FGF1: variants seen among roughly 807,000 people sequenced by gnomAD.
FGF1 encodes the protein beta-endothelial cell growth factor.
A neutral mutation model predicts 13.4 loss-of-function variants in FGF1; 9 were observed. The ratio of observed to expected loss-of-function variants is 0.67; its 90% CI spans 0.40 to 1.17. The LOEUF is 1.17. Among genes scored for constraint, FGF1 ranks in the 50% most tolerant of loss-of-function variants. The probability of loss-of-function intolerance (pLI) is 0.01; values close to 1 mark genes in which losing one functional copy is unlikely to be tolerated. For synonymous variants in FGF1, 93 were observed against 79.0 expected, an observed-to-expected ratio of 1.18 and a Z score of -0.94; for missense variants, 156 against 192.7, an observed-to-expected ratio of 0.81 and a Z score of 1.13.
At chr5:142,608,583 T>C (rs202246396) in intron 2 of FGF1, among the ~76,000 whole-genome samples, 3,868 of 59,406 alleles carry the variant, frequency 0.065, 127 homozygotes, top group East Asian at 0.18. Context: ...TATATATATA[T>C]ACACACACAC....
At chr5:142,645,943 T>C (rs1378370230) in intron 1 of FGF1, among the ~76,000 whole-genome samples, 2 of 152,162 alleles carry the variant, frequency 1.3e-5, no homozygotes, top group Non-Finnish European at 2.9e-5. Flanking sequence ...GAGTCTTGCT[T>C]TGTCGCCTAG....
At chr5:142,599,019 G>A (rs917831142) in intron 3 of FGF1, among the ~76,000 whole-genome samples, 9 of 152,176 alleles carry the variant, frequency 5.9e-5, no homozygotes, top group East Asian at 1.9e-4. Context: ...GGTCTGTGAC[G>A]TGCCAGCCAC....
intron 1 of FGF1, among the ~76,000 whole-genome samples, chr5:142,640,372 G>C (rs964679349): frequency 7.1e-6 from 1 of 140,382 alleles, no homozygotes; most frequent in African/African-American, 2.6e-5. Flanking sequence ...TCTCCTGGTA[G>C]AAAGGAGCCC....
chr5:142,628,717 C>A (rs538727570), intron 1 of FGF1, among the ~76,000 whole-genome samples: 134 of 152,262 alleles, frequency 8.8e-4, no homozygotes, highest in African/African-American at 3.1e-3. Context: ...TGTCCACTGC[C>A]CCCTGTCATG....
chr5:142,607,111 A>T, intron 2 of FGF1, among the ~76,000 whole-genome samples: 1 of 152,080 alleles, frequency 6.6e-6, no homozygotes, highest in East Asian at 1.9e-4. Context: ...GTGACCCCTG[A>T]GATGTTTTAT....
Position 142,610,133 on chromosome 5 carries a change from C to G in FGF1, c.169+3826G>C, listed in dbSNP as rs942892879. On this transcript the variant is annotated intron_variant, in intron 2 of 3. Transcript: ENST00000337706. ...TTCTTAGAGTGATAATAATTAGTAA[C>G]TTCTCAAGGTTGTGGTTAGGTAGAA... Among the ~76,000 whole-genome samples the G allele has an allele frequency of 3.3e-5, 5 of 152,206 alleles. No homozygotes were observed. In the East Asian group the frequency reaches 9.6e-4, roughly 29 times the overall value.
chr5:142,665,365 A>G lies in FGF1; in HGVS notation c.-35+20592T>C, dbSNP rs141744724. On this transcript the variant is annotated intron_variant, in intron 1 of 3. Coordinates refer to ENST00000337706, the MANE Select transcript of FGF1 (RefSeq NM_000800.5). ...CTCCCCCTGTCCCACTCCCCTCCTC[A>G]GGACTTTGGCCCCTTCTGGAAACAT... Among the ~76,000 whole-genome samples the G allele has an allele frequency of 6.3e-3, 930 of 147,106 alleles. 9 individuals are homozygous for G. Among genetic ancestry groups the G allele is most frequent in the African/African-American group, 0.022 (886 of 39,400 alleles).
At chr5:142,620,291 G>A (rs539175780) in intron 1 of FGF1, among the ~76,000 whole-genome samples, 26 of 152,202 alleles carry the variant, frequency 1.7e-4, no homozygotes, top group South Asian at 6.2e-4. Flanking sequence ...GGTGGTGGGC[G>A]CCTGTAGTCC....
rs185839678 is a variant in FGF1 at position 142,695,300 on chromosome 5, C to T, written c.-35+2322G>A. 3.0e-4 allele frequency among the ~76,000 whole-genome samples: 45 copies of T among 152,226 alleles called. No homozygotes were observed. The East Asian group carries it at 6.8e-3, about 23-fold the overall frequency. ...CAGAATTAAAGACCTCAAGGCTGGG[C>T]GCAGTGGCTTATGCCTGTAATCCCA... On this transcript the variant is annotated intron_variant, in intron 2 of 4. Coordinates refer to the FGF1 transcript ENST00000407758.
rs1310592697 is a variant in FGF1 at position 142,660,521 on chromosome 5, G to C, written c.-35+25436C>G. 2.0e-5 allele frequency among the ~76,000 whole-genome samples: 3 copies of C among 152,190 alleles called. No homozygotes were observed. The East Asian group carries it at 5.8e-4, about 29-fold the overall frequency. On this transcript the variant is annotated intron_variant, in intron 1 of 3. Coordinates refer to ENST00000337706, the MANE Select transcript of FGF1 (RefSeq NM_000800.5). Reference sequence around the variant, plus strand: ...CTCTGCTGCAGGGTCACCCCACAATGGCCTCTGGCTCTCGTCTCAGCATCT... The same window carrying C: ...CTCTGCTGCAGGGTCACCCCACAATCGCCTCTGGCTCTCGTCTCAGCATCT...
At chr5:142,619,860 A>AG (rs1761162146) in intron 1 of FGF1, among the ~76,000 whole-genome samples, 1 of 151,930 alleles carries the variant, frequency 6.6e-6, no homozygotes, top group South Asian at 2.1e-4. Flanking sequence ...CGAAAAAAAA[A>AG]CAAAACCCTG....
intron 2 of FGF1, chr5:142,601,029 A>G (rs1756429970): frequency 1.6e-6 from 1 of 615,064 alleles, no homozygotes; most frequent in Non-Finnish European, 3.1e-6. Flanking sequence ...GGAAGGAGAG[A>G]CAACGGCCGG....
chr5:142,630,940 T>G (rs1763274376), intron 1 of FGF1, among the ~76,000 whole-genome samples: 1 of 152,210 alleles, frequency 6.6e-6, no homozygotes, highest in Non-Finnish European at 1.5e-5. Context: ...GTTTGACATC[T>G]TTTTCCCACG....
chr5:142,689,612 G>A (rs913931176), upstream of FGF1, among the ~76,000 whole-genome samples: 4 of 151,938 alleles, frequency 2.6e-5, no homozygotes, highest in Non-Finnish European at 4.4e-5. Context: ...GCTTGGGAAG[G>A]GTCCTACCCA....
At chr5:142,687,256 T>C (rs1411516678), upstream of FGF1, among the ~76,000 whole-genome samples, 1 of 152,142 alleles carries the variant, frequency 6.6e-6, no homozygotes, top group Non-Finnish European at 1.5e-5. Flanking sequence ...TCTGGGTAGT[T>C]GCTTAGGTGT....
At chr5:142,610,995 C>G (rs1250271550) in intron 2 of FGF1, among the ~76,000 whole-genome samples, 1 of 152,162 alleles carries the variant, frequency 6.6e-6, no homozygotes, top group Non-Finnish European at 1.5e-5. Flanking sequence ...ACGGTTCTAT[C>G]TTGTGTGATT....
intron 1 of FGF1, among the ~76,000 whole-genome samples, chr5:142,676,748 G>T (rs1194004243): frequency 6.6e-6 from 1 of 152,180 alleles, no homozygotes; most frequent in Non-Finnish European, 1.5e-5. Context: ...CTTCAGCTAA[G>T]ACATCCCAGG....
rs1459153423 is a variant in FGF1, at chr5:142,595,398, C to T, written c.360G>A (p.Lys120=). ...NTYISKKHAE[K]NWFVGLKKNG... ...TCTTCTTGAGGCCAACAAACCAATT[C>T]TTCTCTGCATGCTTCTTGGATATAT... The change falls in exon 4 of 4, where the codon AAG becomes AAA. Residue 120 remains lysine, a synonymous_variant. Transcript: ENST00000337706. 1 of 1,614,028 alleles carries T rather than the reference C, an allele frequency of 6.2e-7. No homozygotes were observed.
intron 1 of FGF1, among the ~76,000 whole-genome samples, chr5:142,630,848 C>G (rs1763262441): frequency 6.6e-6 from 1 of 152,202 alleles, no homozygotes; most frequent in Non-Finnish European, 1.5e-5. Context: ...CTCCATGATT[C>G]TCTTTTGCAG....
Sources: gnomAD v4.1 joint callset for allele counts (sites outside exome capture counted in the v4.1 genomes callset) on GRCh38, gnomAD v4.1.1 for gene constraint, MANE v1.5 for transcripts, NCBI Gene and HGNC (gene_info 2026-07-23, HGNC 2026-07-21) for gene names.